GRK5: variants seen among roughly 807,000 people sequenced by gnomAD.
GRK5 encodes the protein G protein-coupled receptor kinase 5.
GRK5 carries 40 observed loss-of-function variants against 78.4 expected under a neutral mutation model. The observed-to-expected ratio is 0.51, with a 90% confidence interval of 0.40 to 0.66. The LOEUF is 0.66. GRK5 is among the 30% of genes least tolerant of loss of function. The pLI, the probability that GRK5 is intolerant of heterozygous loss-of-function variation, is 0.00. For synonymous variants in GRK5, 289 were observed against 296.8 expected, an observed-to-expected ratio of 0.97 and a Z score of 0.27; for missense variants, 598 against 759.9, an observed-to-expected ratio of 0.79 and a Z score of 2.50.
At chr10:119,215,196 T>C (rs1378669681) in intron 1 of GRK5, among the ~76,000 whole-genome samples, 3 of 152,234 alleles carry the variant, frequency 2.0e-5, no homozygotes, top group African/African-American at 7.2e-5. Flanking sequence ...TTAGGAATTA[T>C]GTTCCTGAAG....
intron 2 of GRK5, among the ~76,000 whole-genome samples, chr10:119,344,448 C>T (rs997619185): frequency 1.3e-5 from 2 of 152,128 alleles, no homozygotes; most frequent in Admixed American, 6.5e-5. Context: ...TCTGTCCTTG[C>T]GATAGTTCAG....
rs1469187411 is a variant in GRK5, at chr10:119,292,121, TCTC to T, written c.53-34391_53-34389del. On this transcript the variant is annotated intron_variant, in intron 1 of 15. Coordinates refer to ENST00000392870, the MANE Select transcript of GRK5 (RefSeq NM_005308.3). ...TCTTCCTCCTTCTCCTCTTCCTCCC[TCTC>T]CTCATCTTCCTCCTTCTCCTCCTCT... is the stretch of plus-strand genomic sequence containing the variant. Among the ~76,000 whole-genome samples the T allele has an allele frequency of 3.5e-3, 30 of 8,666 alleles. 1 individual carries two copies. The highest frequency in any genetic ancestry group is 0.012 in the African/African-American group (27 of 2,306). The allele number at this position is 8,666 out of a possible 152,430, so 5.7% of individuals were successfully genotyped here. A position where few individuals can be genotyped will look rare whatever the true frequency, so the allele number is the denominator to read the frequency against.
At chr10:119,215,457 A>C in intron 1 of GRK5, among the ~76,000 whole-genome samples, 2 of 143,710 alleles carry the variant, frequency 1.4e-5, no homozygotes, top group Non-Finnish European at 1.5e-5. Context: ...AGAAGGAGAG[A>C]TGAGAGGGGG....
chr10:119,243,836 A>G (rs1018026690), intron 1 of GRK5, among the ~76,000 whole-genome samples: 2 of 152,212 alleles, frequency 1.3e-5, no homozygotes, highest in African/African-American at 4.8e-5. Context: ...GGCACCCCTG[A>G]TAGGACCTAG....
chr10:119,227,667 A>G (rs1212150129), intron 1 of GRK5, among the ~76,000 whole-genome samples: 5 of 152,194 alleles, frequency 3.3e-5, no homozygotes, highest in African/African-American at 4.8e-5. Context: ...TTTCTAAGGA[A>G]AAAAGCAAGT....
At chr10:119,450,483 C>T (rs557248767) in intron 13 of GRK5, among the ~76,000 whole-genome samples, 4 of 152,192 alleles carry the variant, frequency 2.6e-5, no homozygotes, top group Admixed American at 2.0e-4. Context: ...AGGCAGCCTC[C>T]GGGAAGATGG....
intron 4 of GRK5, among the ~76,000 whole-genome samples, chr10:119,418,313 C>G (rs942850396): frequency 3.9e-5 from 6 of 152,166 alleles, no homozygotes; most frequent in African/African-American, 1.4e-4. Flanking sequence ...TCAGGGGGGA[C>G]CAGAAGGGGA....
intron 1 of GRK5, among the ~76,000 whole-genome samples, chr10:119,307,965 A>G (rs1293813871): frequency 6.6e-6 from 1 of 152,078 alleles, no homozygotes; most frequent in African/African-American, 2.4e-5. Flanking sequence ...ACAGAGGGAA[A>G]GGGTCATGGG....
At chr10:119,337,132 T>C (rs769051759) in intron 2 of GRK5, among the ~76,000 whole-genome samples, 3 of 152,112 alleles carry the variant, frequency 2.0e-5, no homozygotes, top group Non-Finnish European at 4.4e-5. Flanking sequence ...TTTTACCCAA[T>C]TGGGCTTTAT....
chr10:119,405,026 A>G (rs1852210811), intron 4 of GRK5, among the ~76,000 whole-genome samples: 1 of 152,194 alleles, frequency 6.6e-6, no homozygotes, highest in South Asian at 2.1e-4. Flanking sequence ...CCGGTGAGCA[A>G]CAGTGCTGAT....
At chr10:119,245,503 G>C (rs1048006680) in intron 1 of GRK5, among the ~76,000 whole-genome samples, 3 of 152,118 alleles carry the variant, frequency 2.0e-5, no homozygotes. Flanking sequence ...GGACATTATC[G>C]TAAGTAAAAT....
rs1278873862 is a variant in GRK5 at position 119,378,773 on chromosome 10, A to G, written c.149-2042A>G. 6.6e-6 allele frequency among the ~76,000 whole-genome samples: 1 copy of G among 152,254 alleles called. No homozygotes were observed. Among genetic ancestry groups the G allele is most frequent in the East Asian group, 1.9e-4 (1 of 5,200 alleles). ...CCTGCTGGCATCCCAGGGAACAGACAGTGTCTTTCCTGGAAGTTCTGGCAA... is the reference window on the plus strand; with the variant it reads ...CCTGCTGGCATCCCAGGGAACAGACGGTGTCTTTCCTGGAAGTTCTGGCAA... On this transcript the variant is annotated intron_variant, in intron 2 of 15. Coordinates refer to ENST00000392870, the MANE Select transcript of GRK5 (RefSeq NM_005308.3). This position sits in a 1 kb window ranked among gnomAD's most constrained non-coding sequence, Gnocchi z 4.5.
At chr10:119,396,169 G>A (rs948200558) in intron 3 of GRK5, among the ~76,000 whole-genome samples, 1 of 152,222 alleles carries the variant, frequency 6.6e-6, no homozygotes, top group African/African-American at 2.4e-5. Context: ...TATAATCAGT[G>A]TATACCTAGG....
chr10:119,369,084 ATGG>A (rs1485574133), intron 2 of GRK5, among the ~76,000 whole-genome samples: 1 of 152,196 alleles, frequency 6.6e-6, no homozygotes, highest in African/African-American at 2.4e-5. Context: ...TGGGGATAAA[ATGG>A]TGAACTGGAC....
At chr10:119,344,876 T>A (rs796423263) in intron 2 of GRK5, among the ~76,000 whole-genome samples, 8 of 65,002 alleles carry the variant, frequency 1.2e-4, no homozygotes, top group Non-Finnish European at 2.5e-4. Context: ...GACCCACCCT[T>A]CCTTCCTTCC....
intron 6 of GRK5, 99 bp downstream of exon 6, chr10:119,425,184 G>A: frequency 1.2e-6 from 1 of 824,870 alleles, no homozygotes. Flanking sequence ...TGGGCTCATG[G>A]TTAAAACAAA....
chr10:119,212,680 TAAAA>T (rs904685263), intron 1 of GRK5, among the ~76,000 whole-genome samples: 2 of 152,156 alleles, frequency 1.3e-5, no homozygotes, highest in African/African-American at 2.4e-5. Flanking sequence ...ATTTTTGAAA[TAAAA>T]AAGTCTTCTG....
chr10:119,297,375 C>A (rs1189801294), intron 1 of GRK5, among the ~76,000 whole-genome samples: 1 of 152,158 alleles, frequency 6.6e-6, no homozygotes, highest in African/African-American at 2.4e-5. Context: ...GTATGGGAGC[C>A]CTGACAGCCT....
chr10:119,450,605 G>C (rs1047399022), intron 13 of GRK5, among the ~76,000 whole-genome samples: 1 of 152,178 alleles, frequency 6.6e-6, no homozygotes, highest in Non-Finnish European at 1.5e-5. Flanking sequence ...GCGACCAACT[G>C]TCCTGCTTTG....
Sources: allele counts gnomAD v4.1 joint callset (sites outside exome capture counted in the v4.1 genomes callset), GRCh38; gene constraint gnomAD v4.1.1; non-coding constraint Gnocchi (gnomAD v3.1); transcripts MANE v1.5; gene names NCBI Gene and HGNC (gene_info 2026-07-23, HGNC 2026-07-21).